Variants in SUSD4 observed in about 807,000 individuals in gnomAD.
SUSD4 encodes sushi domain-containing protein 4.
A neutral mutation model predicts 50.5 loss-of-function variants in SUSD4; 41 were observed. That is an observed-to-expected ratio of 0.81 (90% CI 0.63 to 1.05). The LOEUF (loss-of-function observed/expected upper bound fraction) is 1.05, where lower values mean the gene tolerates loss of function less well. Among genes scored for constraint, SUSD4 ranks in the 50% least tolerant of loss-of-function variants. The pLI, the probability that SUSD4 is intolerant of heterozygous loss-of-function variation, is 0.00. For missense variants in SUSD4, 580 were observed against 634.7 expected (o/e 0.91, Z 0.93); for synonymous variants, 257 against 257.3 (o/e 1.00, Z 0.01).
intron 2 of SUSD4, among the ~76,000 whole-genome samples, chr1:223,337,128 T>A (rs1180795791): frequency 6.6e-6 from 1 of 152,240 alleles, no homozygotes; most frequent in African/African-American, 2.4e-5. Flanking sequence ...GCAGAATGCA[T>A]AAATGAATGA....
intron 2 of SUSD4, among the ~76,000 whole-genome samples, chr1:223,313,043 T>C (rs1665967665): frequency 6.6e-6 from 1 of 152,224 alleles, no homozygotes; most frequent in African/African-American, 2.4e-5. Flanking sequence ...TCCAACTCCT[T>C]GCAATTTCCT....
At position 223,222,148 on chromosome 1, in the gene SUSD4, C is replaced by T. The variant is rs753428475; in HGVS notation, c.*44G>A. On this transcript the variant is annotated 3_prime_UTR_variant, in exon 9 of 9. Transcript: ENST00000366878. Reference sequence around the variant, plus strand: ...TGACCTCACTCCAAGATACAAGGTCCTTTCCCCGAAGGAGCAGGAGAGTCA... The same window carrying T: ...TGACCTCACTCCAAGATACAAGGTCTTTTCCCCGAAGGAGCAGGAGAGTCA... 1.3e-5 allele frequency: 21 copies of T among 1,604,702 alleles called. No homozygotes were observed. The highest frequency in any genetic ancestry group is 1.7e-4 in the Middle Eastern group (1 of 6,054).
Position 223,268,513 on chromosome 1 carries a change from G to C in SUSD4, c.524C>G (p.Pro175Arg). 6.2e-7 allele frequency: 1 copy of C among 1,613,350 alleles called. No individual in the cohort carries two copies. The highest frequency in any genetic ancestry group is 8.5e-7 in the Non-Finnish European group (1 of 1,179,672). Residue 175 changes from proline to arginine, a missense_variant, in exon 4 of 9, where the codon CCC becomes CGC. By Grantham distance (103) the Pro-to-Arg change is moderately radical. Transcript: ENST00000366878. ...CRDDGTWNNL[P>R]ICQGCLRPLA... is the part of the protein sequence containing the mutation. ...CATCAGTCCCGTACCTTGACAGATG[G>C]GCAGATTATTCCACGTTCCATCATC...
chr1:223,348,215 A>T (rs775439246), intron 2 of SUSD4, among the ~76,000 whole-genome samples: 2 of 152,252 alleles, frequency 1.3e-5, no homozygotes, highest in Non-Finnish European at 2.9e-5. Flanking sequence ...TCATAACAAC[A>T]TGCTGAATTA....
intron 3 of SUSD4, among the ~76,000 whole-genome samples, chr1:223,292,173 T>C (rs17577296): frequency 0.077 from 11,795 of 152,306 alleles, 649 homozygotes; most frequent in Middle Eastern, 0.13. Flanking sequence ...TAATGTTATC[T>C]GAGTTGCTCT....
intron 3 of SUSD4, among the ~76,000 whole-genome samples, chr1:223,280,003 G>A (rs1002193190): frequency 1.3e-5 from 2 of 152,160 alleles, no homozygotes; most frequent in African/African-American, 4.8e-5. Context: ...AAAAGTGAAG[G>A]AGAAATAAAA....
At chr1:223,264,472 T>A in intron 5 of SUSD4, 158 bp downstream of exon 5, 4 of 1,371,186 alleles carry the variant, frequency 2.9e-6, no homozygotes, top group Non-Finnish European at 3.8e-6. Context: ...TAAATATGGC[T>A]TCACGGCAGC....
chr1:223,270,921 G>A (rs17161988), intron 3 of SUSD4, among the ~76,000 whole-genome samples: 52,633 of 151,992 alleles, frequency 0.35, 9,767 homozygotes, highest in Non-Finnish European at 0.42. Flanking sequence ...GCATAGTTGA[G>A]TTCCCCAGAA....
chr1:223,285,587 A>G (rs1664084489), intron 3 of SUSD4, among the ~76,000 whole-genome samples: 1 of 152,202 alleles, frequency 6.6e-6, no homozygotes, highest in Non-Finnish European at 1.5e-5. Flanking sequence ...TTAACAATGG[A>G]ACCCAAATGT....
chr1:223,364,271 G>GC (rs1188492651), upstream of SUSD4: 7 of 148,622 alleles, frequency 4.7e-5, no homozygotes, highest in African/African-American at 1.7e-4. The surrounding 1 kb of genome is among the most constrained non-coding windows in gnomAD (Gnocchi z 4.5). Context: ...GAGCCCGGCC[G>GC]CGCGCCCCCG....
At chr1:223,269,745 A>G (rs1437418999) in intron 3 of SUSD4, among the ~76,000 whole-genome samples, 1 of 152,240 alleles carries the variant, frequency 6.6e-6, no homozygotes, top group East Asian at 1.9e-4. Context: ...TGTGAATCAT[A>G]GAAATTTCCT....
intron 3 of SUSD4, among the ~76,000 whole-genome samples, chr1:223,277,304 A>AT (rs3036647): frequency 5.3e-5 from 8 of 150,908 alleles, no homozygotes; most frequent in South Asian, 2.1e-4. Flanking sequence ...AATGGATGAT[A>AT]TTTTTTTTTT....
chr1:223,348,330 T>C (rs1410498046), intron 2 of SUSD4, among the ~76,000 whole-genome samples: 1 of 152,214 alleles, frequency 6.6e-6, no homozygotes, highest in East Asian at 1.9e-4. Context: ...TTTTTTCCAC[T>C]CATAATTTTC....
At chr1:223,297,892 A>AGATGGATGGACAGGTG (rs1038940405) in intron 2 of SUSD4, among the ~76,000 whole-genome samples, 2 of 151,880 alleles carry the variant, frequency 1.3e-5, no homozygotes, top group Non-Finnish European at 1.5e-5. Context: ...ATGGATGGAT[A>AGATGGATGGACAGGTG]GATGGATGGA....
upstream of SUSD4, among the ~76,000 whole-genome samples, chr1:223,364,736 G>C (rs1474972431): frequency 6.6e-6 from 1 of 151,766 alleles, no homozygotes; most frequent in Non-Finnish European, 1.5e-5. This position sits in a 1 kb window ranked among gnomAD's most constrained non-coding sequence, Gnocchi z 4.5. Flanking sequence ...CTGCAGACCC[G>C]GGGCGAGTGC....
At chr1:223,314,162 A>G (rs991554565) in intron 2 of SUSD4, among the ~76,000 whole-genome samples, 2 of 152,192 alleles carry the variant, frequency 1.3e-5, no homozygotes, top group Non-Finnish European at 2.9e-5. Flanking sequence ...GGTCCGGATC[A>G]GTAACAGCTT....
intron 2 of SUSD4, among the ~76,000 whole-genome samples, chr1:223,326,544 C>G (rs1055484553): frequency 1.3e-5 from 2 of 151,928 alleles, no homozygotes; most frequent in Non-Finnish European, 2.9e-5. Context: ...GAAATAATAA[C>G]CAGAGTAAAC....
At chr1:223,294,640 G>A (rs751012813) in intron 2 of SUSD4, among the ~76,000 whole-genome samples, 2 of 152,212 alleles carry the variant, frequency 1.3e-5, no homozygotes, top group East Asian at 1.9e-4. Flanking sequence ...AAAGCCATTC[G>A]AAGGCAGGAA....
intron 5 of SUSD4, among the ~76,000 whole-genome samples, chr1:223,242,803 C>A (rs2103025353): frequency 6.6e-6 from 1 of 152,294 alleles, no homozygotes; most frequent in African/African-American, 2.4e-5. Context: ...CATCAGGTAC[C>A]AATATTGGTT....
Sources: gnomAD v4.1 joint callset for allele counts (sites outside exome capture counted in the v4.1 genomes callset) on GRCh38, gnomAD v4.1.1 for gene constraint, Gnocchi (gnomAD v3.1) non-coding constraint, MANE v1.5 for transcripts, NCBI Gene and HGNC (gene_info 2026-07-23, HGNC 2026-07-21) for gene names.